The following SLC16A5 variants were observed in gnomAD, a reference collection of about 807,000 sequenced individuals.
SLC16A5 encodes monocarboxylate transporter 6.
Under a neutral mutation model 33.2 loss-of-function variants are expected in SLC16A5, and 29 were observed. The observed-to-expected ratio is 0.87, with a 90% CI of 0.65 to 1.19. SLC16A5 has a LOEUF of 1.19. Among genes scored for constraint, SLC16A5 ranks in the 50% most tolerant of loss-of-function variants. The pLI is 0.00. For missense variants in SLC16A5, 606 were observed against 678.2 expected (o/e 0.89, Z 1.18); for synonymous variants, 248 against 284.1 (o/e 0.87, Z 1.28).
At chr17:75,106,592 TAAAAAAAA>T (rs1381571531), downstream of SLC16A5, among the ~76,000 whole-genome samples, 2 of 93,478 alleles carry the variant, frequency 2.1e-5, no homozygotes, top group East Asian at 5.7e-4. Flanking sequence ...GTCTTTTTTT[TAAAAAAAA>T]AAAAAAAAAA....
intron 2 of SLC16A5, among the ~76,000 whole-genome samples, chr17:75,092,348 CTAAG>C (rs1269544759): frequency 6.7e-6 from 1 of 149,610 alleles, no homozygotes; most frequent in African/African-American, 2.5e-5. Flanking sequence ...TTTTGAGTGT[CTAAG>C]TGTGTGTCTT....
chr17:75,103,872 C>T (rs1288588179), intron 5 of SLC16A5, 98 bp from the exon 6 acceptor site: 2 of 1,051,570 alleles, frequency 1.9e-6, no homozygotes, highest in East Asian at 2.4e-5. Context: ...ATTCCTAGTA[C>T]AGCAGAGACA....
intron 4 of SLC16A5, among the ~76,000 whole-genome samples, chr17:75,098,674 G>A (rs188059787): frequency 2.0e-5 from 3 of 151,766 alleles, no homozygotes; most frequent in Admixed American, 1.3e-4. Flanking sequence ...AAGTGGTTAT[G>A]AGGTCAAGAC....
Position 75,106,067 on chromosome 17 carries a change from T to C in SLC16A5, c.*34T>C. ...TTTGACTCCGCCACTATCTGCCATG[T>C]GAGTTGGGCAAATTGTTGACCACCT... On this transcript the variant is annotated 3_prime_UTR_variant, in exon 7 of 7. Transcript: ENST00000329783. 1 of 1,172,868 alleles carries C rather than the reference T, an allele frequency of 8.5e-7. No individual in the cohort carries two copies. Among genetic ancestry groups the C allele is most frequent in the South Asian group, 1.4e-5 (1 of 70,302 alleles). 72.7% of individuals were successfully genotyped at this position (1,172,868 alleles called of 1,614,324 possible).
Position 75,100,227 on chromosome 17 carries a change from C to G in SLC16A5, c.564C>G (p.Ile188Met). The G allele has an allele frequency of 1.2e-6, 2 of 1,614,250 alleles. No homozygotes were observed. Among genetic ancestry groups the G allele is most frequent in the Middle Eastern group, 1.6e-4 (1 of 6,062 alleles). The stretch of plus-strand genomic sequence containing the variant: ...TCCACTGCTGCATCTGCGGGGCCAT[C>G]ATAAGGCCTGTGGCCACCAGTGTGG... Reference protein sequence around the residue: ...IFLHCCICGAIIRPVATSVAP... With the variant: ...IFLHCCICGAMIRPVATSVAP... Residue 188 changes from isoleucine to methionine, a missense_variant, in exon 5 of 7, where the codon ATC becomes ATG. Ile to Met is a conservative substitution (Grantham distance 10). Transcript: ENST00000329783.
downstream of SLC16A5, among the ~76,000 whole-genome samples, chr17:75,109,635 C>A (rs185234534): frequency 3.6e-4 from 55 of 152,256 alleles, no homozygotes; most frequent in Middle Eastern, 3.4e-3. The surrounding 1 kb of genome is among the most constrained non-coding windows in gnomAD (Gnocchi z 5.0). Context: ...CCCGGGGGAC[C>A]GGCGGGAGAG....
Position 75,100,581 on chromosome 17 carries a change from C to T in SLC16A5, c.918C>T (p.Tyr306=). The T allele has an allele frequency of 6.2e-7, 1 of 1,614,228 alleles. No homozygotes were observed. The highest frequency in any genetic ancestry group is 8.5e-7 in the Non-Finnish European group (1 of 1,180,046). Reference sequence around the variant, plus strand: ...CGGCCTTTGCTAGCCACCGCAAGTACCTGTTCAGCCTGGCACTCCTGCTCA... The same window carrying T: ...CGGCCTTTGCTAGCCACCGCAAGTATCTGTTCAGCCTGGCACTCCTGCTCA... ...GRPAFASHRK[Y]LFSLALLLNG... Residue 306 remains tyrosine, a synonymous_variant, in exon 5 of 7, where the codon TAC becomes TAT. Transcript: ENST00000329783.
intron 2 of SLC16A5, chr17:75,090,323 T>G (rs1027490901): frequency 3.9e-5 from 6 of 152,182 alleles, no homozygotes; most frequent in African/African-American, 1.4e-4. Context: ...CGACTGGGCA[T>G]CCATACCGTG....
chr17:75,107,180 G>A (rs2073869937), downstream of SLC16A5, among the ~76,000 whole-genome samples: 1 of 136,652 alleles, frequency 7.3e-6, no homozygotes, highest in Non-Finnish European at 1.7e-5. Flanking sequence ...CAGGCCTGTA[G>A]TCCAAGCCAC....
intron 6 of SLC16A5, 109 bp downstream of exon 6, chr17:75,104,289 G>C (rs1477799031): frequency 2.0e-6 from 3 of 1,513,524 alleles, no homozygotes; most frequent in African/African-American, 2.8e-5. Flanking sequence ...GGGACCTCTA[G>C]CTCCTTCACC....
intron 3 of SLC16A5, 80 bp downstream of exon 3, chr17:75,093,915 C>G: frequency 6.5e-7 from 1 of 1,535,126 alleles, no homozygotes. Flanking sequence ...TTCTGATTCC[C>G]TCTCTCTGAG....
At chr17:75,102,635 G>T (rs1026669561) in intron 5 of SLC16A5, among the ~76,000 whole-genome samples, 58 of 152,198 alleles carry the variant, frequency 3.8e-4, no homozygotes, top group African/African-American at 1.3e-3. Context: ...ACAACACAAG[G>T]CGGCGGTTAT....
At chr17:75,092,672 G>A (rs2144998113) in intron 2 of SLC16A5, among the ~76,000 whole-genome samples, 1 of 152,050 alleles carries the variant, frequency 6.6e-6, no homozygotes, top group African/African-American at 2.4e-5. Context: ...GTCTTTGTGT[G>A]GGTCAGTGGA....
chr17:75,100,504 G>A lies in SLC16A5; in HGVS notation c.841G>A (p.Gly281Ser), dbSNP rs769791680. ...GGCAGCCCTCCTCATCTCCATCATC[G>A]GCTTCAGCAACATCTTCCTGAGGCC... is the stretch of plus-strand genomic sequence containing the variant. The part of the protein sequence containing the change: ...QQAALLISII[G>S]FSNIFLRPLA... The change falls in exon 5 of 7, where the codon GGC (glycine) becomes AGC (serine). Residue 281 changes from glycine (G) to serine (S), a missense_variant. Physicochemically the swap from Gly to Ser is moderately conservative, Grantham distance 56. Transcript: ENST00000329783. The A allele has an allele frequency of 2.0e-5, 32 of 1,614,078 alleles. No homozygotes were observed. The highest frequency in any genetic ancestry group is 3.3e-5 in the Admixed American group (2 of 60,002).
intron 3 of SLC16A5, among the ~76,000 whole-genome samples, chr17:75,096,662 CT>C (rs1213390035): frequency 6.0e-5 from 9 of 149,806 alleles, no homozygotes; most frequent in Non-Finnish European, 5.9e-5. Flanking sequence ...TCCCTAGTAG[CT>C]TGGAATTACA....
At position 75,100,274 on chromosome 17, in the gene SLC16A5, C is replaced by T. The variant is rs755364146; in HGVS notation, c.611C>T (p.Pro204Leu). ...GTGGCCCCTGAGACCAAAGAATGTC[C>T]CCCGCCACCTCCCGAGACACCTGCA... Reference protein sequence around the residue: ...TSVAPETKECPPPPPETPALG... With the variant: ...TSVAPETKECLPPPPETPALG... Residue 204 changes from proline to leucine, a missense_variant, in exon 5 of 7, where the codon CCC (proline) becomes CTC (leucine). Pro to Leu is a moderately conservative substitution (Grantham distance 98). Coordinates refer to ENST00000329783, the MANE Select transcript of SLC16A5 (RefSeq NM_004695.4). 1.4e-5 allele frequency: 23 copies of T among 1,614,220 alleles called. No individual in the cohort carries two copies. The highest frequency in any genetic ancestry group is 1.7e-5 in the Non-Finnish European group (20 of 1,180,036).
chr17:75,099,649 T>C (rs893146263), intron 4 of SLC16A5, among the ~76,000 whole-genome samples: 33 of 152,190 alleles, frequency 2.2e-4, no homozygotes, highest in Admixed American at 1.6e-3. Flanking sequence ...GGTTTCACCA[T>C]GTTGGTCTCG....
intron 6 of SLC16A5, chr17:75,105,345 C>CT: frequency 1.0e-6 from 1 of 985,422 alleles, no homozygotes; most frequent in Non-Finnish European, 1.2e-6. Context: ...AGACATTTGA[C>CT]TGACGGGAGA....
At chr17:75,087,400 G>C (rs1025362337), upstream of SLC16A5, among the ~76,000 whole-genome samples, 1 of 152,214 alleles carries the variant, frequency 6.6e-6, no homozygotes, top group African/African-American at 2.4e-5. Flanking sequence ...GGACTACCCA[G>C]GTAGGGGAAG....
Sources: allele counts gnomAD v4.1 joint callset (sites outside exome capture counted in the v4.1 genomes callset), GRCh38; gene constraint gnomAD v4.1.1; non-coding constraint Gnocchi (gnomAD v3.1); transcripts MANE v1.5; gene names NCBI Gene and HGNC (gene_info 2026-07-23, HGNC 2026-07-21).